MAST4: variants seen among roughly 807,000 people sequenced by gnomAD.
The protein encoded by MAST4 is microtubule-associated serine/threonine-protein kinase 4.
MAST4 carries 89 observed loss-of-function variants against 162.7 expected under a neutral mutation model. That is an observed-to-expected ratio of 0.55 (90% CI 0.46 to 0.65). The LOEUF is 0.65. Among genes scored for constraint, MAST4 ranks in the 30% least tolerant of loss-of-function variants. The pLI is 0.00. For synonymous variants in MAST4, 1,479 were observed against 1,361.1 expected (o/e 1.09, Z -1.91); for missense variants, 3,153 against 3,374.0 (o/e 0.93, Z 1.62).
chr5:67,150,838 A>G (rs1016427853), intron 24 of MAST4, among the ~76,000 whole-genome samples: 8 of 152,210 alleles, frequency 5.3e-5, no homozygotes, highest in African/African-American at 1.7e-4. Context: ...GAGAGCCAGC[A>G]GAAGACAGCC....
intron 3 of MAST4, among the ~76,000 whole-genome samples, chr5:66,846,120 C>G (rs1758836884): frequency 6.6e-6 from 1 of 152,158 alleles, no homozygotes; most frequent in Non-Finnish European, 1.5e-5. Context: ...GTGACAGAGT[C>G]TAGCTTCAAA....
chr5:66,893,166 C>A (rs1236499057), intron 3 of MAST4, among the ~76,000 whole-genome samples: 4 of 151,946 alleles, frequency 2.6e-5, no homozygotes, highest in African/African-American at 9.7e-5. Flanking sequence ...TTGTTTTAGC[C>A]TTTTGTGGTT....
At chr5:66,854,420 C>T (rs1759528076) in intron 3 of MAST4, among the ~76,000 whole-genome samples, 1 of 152,266 alleles carries the variant, frequency 6.6e-6, no homozygotes, top group African/African-American at 2.4e-5. Flanking sequence ...CCAGATGCAG[C>T]TTAGCTGGGT....
intron 6 of MAST4, among the ~76,000 whole-genome samples, chr5:67,092,475 G>C (rs528704487): frequency 6.6e-6 from 1 of 152,194 alleles, no homozygotes; most frequent in East Asian, 1.9e-4. Flanking sequence ...TATAGATTTT[G>C]TCTGGAGGAA....
At chr5:66,633,863 G>A (rs1463267876) in intron 1 of MAST4, among the ~76,000 whole-genome samples, 1 of 152,070 alleles carries the variant, frequency 6.6e-6, no homozygotes, top group Non-Finnish European at 1.5e-5. Flanking sequence ...TGGTTCTTCT[G>A]AATGGTGTTT....
At chr5:66,624,010 C>T (rs1580017777) in intron 1 of MAST4, among the ~76,000 whole-genome samples, 1 of 151,856 alleles carries the variant, frequency 6.6e-6, no homozygotes, top group Non-Finnish European at 1.5e-5. Flanking sequence ...TTTACATTAG[C>T]AAGAAAAGAT....
intron 1 of MAST4, among the ~76,000 whole-genome samples, chr5:66,733,267 A>T (rs1027241686): frequency 6.6e-6 from 1 of 151,604 alleles, no homozygotes; most frequent in African/African-American, 2.4e-5. Context: ...TCCTCTGACT[A>T]TTCCTCTCCC....
At chr5:67,078,917 T>TATATATATAAATATATATATATATATATA in intron 5 of MAST4, among the ~76,000 whole-genome samples, 1 of 55,084 alleles carries the variant, frequency 1.8e-5, no homozygotes, top group African/African-American at 1.0e-4. Context: ...TATAAATATA[T>TATATATATAAATATATATATATATATATA]ATATATATAT....
chr5:67,069,856 C>T (rs1230292107), intron 5 of MAST4, among the ~76,000 whole-genome samples: 1 of 149,044 alleles, frequency 6.7e-6, no homozygotes, highest in Non-Finnish European at 1.5e-5. Context: ...AAGGAATGAA[C>T]GTAGTTTCGA....
chr5:66,883,692 G>A (rs1474775458), intron 3 of MAST4, among the ~76,000 whole-genome samples: 1 of 152,136 alleles, frequency 6.6e-6, no homozygotes, highest in Non-Finnish European at 1.5e-5. Context: ...CTCCCAAAGT[G>A]CTGGGATTAC....
chr5:66,978,032 A>T (rs1748357881), intron 4 of MAST4, among the ~76,000 whole-genome samples: 1 of 152,242 alleles, frequency 6.6e-6, no homozygotes, highest in African/African-American at 2.4e-5. Flanking sequence ...CTGTAAAATC[A>T]CACACATAAA....
At chr5:66,743,332 G>A (rs1752575629) in intron 1 of MAST4, among the ~76,000 whole-genome samples, 1 of 152,168 alleles carries the variant, frequency 6.6e-6, no homozygotes, top group South Asian at 2.1e-4. Flanking sequence ...GTTAGACCTG[G>A]CTCGTCTCTT....
chr5:66,938,936 C>G (rs554435541), intron 4 of MAST4, among the ~76,000 whole-genome samples: 2 of 152,142 alleles, frequency 1.3e-5, no homozygotes, highest in Admixed American at 6.6e-5. Context: ...TGATTTAGAG[C>G]CTTTTCAGTT....
chr5:67,062,894 GA>G (rs1463179278), intron 5 of MAST4, among the ~76,000 whole-genome samples: 14 of 151,672 alleles, frequency 9.2e-5, no homozygotes, highest in Non-Finnish European at 1.5e-4. Flanking sequence ...CCTCCTTGTA[GA>G]GTGTCATTTT....
intron 3 of MAST4, among the ~76,000 whole-genome samples, chr5:66,837,545 C>A (rs531211796): frequency 1.7e-4 from 26 of 152,044 alleles, no homozygotes; most frequent in African/African-American, 6.0e-4. Flanking sequence ...TGGAATTAAG[C>A]AAGATAAATC....
At chr5:67,004,680 G>A (rs1437770894) in intron 4 of MAST4, 3 of 248,478 alleles carry the variant, frequency 1.2e-5, no homozygotes, top group African/African-American at 4.4e-5. Context: ...CAGAACGCAC[G>A]GCTCAACTCA....
At chr5:67,060,655 T>G (rs1286086481) in intron 5 of MAST4, among the ~76,000 whole-genome samples, 1 of 152,002 alleles carries the variant, frequency 6.6e-6, no homozygotes, top group Non-Finnish European at 1.5e-5. Context: ...TTTTTTGTAT[T>G]TTTAGTAGAG....
At chr5:66,962,716 CAACAA>C (rs1746164699) in intron 4 of MAST4, among the ~76,000 whole-genome samples, 1 of 152,050 alleles carries the variant, frequency 6.6e-6, no homozygotes, top group African/African-American at 2.4e-5. Flanking sequence ...ACAACAACAA[CAACAA>C]AAGACAGGAA....
At chr5:66,866,730 A>T (rs1760550258) in intron 3 of MAST4, among the ~76,000 whole-genome samples, 1 of 152,206 alleles carries the variant, frequency 6.6e-6, no homozygotes, top group African/African-American at 2.4e-5. Context: ...TTTCAGAATT[A>T]AAACTCTTTT....
Sources: gnomAD v4.1 joint callset for allele counts (sites outside exome capture counted in the v4.1 genomes callset) on GRCh38, gnomAD v4.1.1 for gene constraint, MANE v1.5 for transcripts, NCBI Gene and HGNC (gene_info 2026-07-23, HGNC 2026-07-21) for gene names.